The following FBXL7 variants were observed in gnomAD, a reference collection of about 807,000 sequenced individuals.
FBXL7 encodes the protein F-box/LRR-repeat protein 7.
Under a neutral mutation model 38.3 loss-of-function variants are expected in FBXL7, and 12 were observed. The observed-to-expected ratio is 0.31, with a 90% confidence interval of 0.20 to 0.51. The LOEUF (loss-of-function observed/expected upper bound fraction) is 0.51, where lower values mean the gene tolerates loss of function less well. Among genes scored for constraint, FBXL7 ranks in the 20% least tolerant of loss-of-function variants. FBXL7 has a pLI of 0.98. For synonymous variants in FBXL7, 297 were observed against 300.9 expected, an observed-to-expected ratio of 0.99 and a Z score of 0.13; for missense variants, 567 against 676.4, an observed-to-expected ratio of 0.84 and a Z score of 1.79.
chr5:15,623,120 T>G (rs1740707125), intron 2 of FBXL7, among the ~76,000 whole-genome samples: 1 of 152,250 alleles, frequency 6.6e-6, no homozygotes, highest in Non-Finnish European at 1.5e-5. Flanking sequence ...TTTTGCTGCC[T>G]GATTTCTAGC....
chr5:15,915,927 T>C (rs1213856904), intron 2 of FBXL7, among the ~76,000 whole-genome samples: 1 of 152,106 alleles, frequency 6.6e-6, no homozygotes, highest in Non-Finnish European at 1.5e-5. Context: ...AGTGAGGGAC[T>C]TGGGGACTGA....
At chr5:15,600,093 C>A (rs1739746040) in intron 1 of FBXL7, among the ~76,000 whole-genome samples, 1 of 152,114 alleles carries the variant, frequency 6.6e-6, no homozygotes, top group Non-Finnish European at 1.5e-5. Context: ...GACGCATGTT[C>A]AAAAAATGGC....
chr5:15,933,535 A>G (rs543172006), intron 3 of FBXL7, among the ~76,000 whole-genome samples: 12 of 152,326 alleles, frequency 7.9e-5, no homozygotes, highest in Middle Eastern at 3.4e-3. Flanking sequence ...GAAACTCAAA[A>G]CAAAGGGAAA....
intron 2 of FBXL7, among the ~76,000 whole-genome samples, chr5:15,768,997 A>G (rs2126708363): frequency 6.6e-6 from 1 of 152,330 alleles, no homozygotes; most frequent in South Asian, 2.1e-4. Flanking sequence ...GATCCAAAAT[A>G]TTGGCATGAT....
chr5:15,850,077 T>C (rs925052603), intron 2 of FBXL7, among the ~76,000 whole-genome samples: 5 of 152,206 alleles, frequency 3.3e-5, no homozygotes, highest in Non-Finnish European at 5.9e-5. Flanking sequence ...AGAGCTTAGA[T>C]TGATATCTTA....
At chr5:15,552,244 T>C (rs1193080406) in intron 1 of FBXL7, among the ~76,000 whole-genome samples, 1 of 152,250 alleles carries the variant, frequency 6.6e-6, no homozygotes, top group Non-Finnish European at 1.5e-5. Flanking sequence ...CTTCCTGTCC[T>C]GGTAGAAATA....
At chr5:15,702,134 A>G (rs1024786098) in intron 2 of FBXL7, among the ~76,000 whole-genome samples, 5 of 151,840 alleles carry the variant, frequency 3.3e-5, no homozygotes, top group African/African-American at 4.8e-5. Context: ...GCTACTTGGG[A>G]GACTGGGGCA....
chr5:15,617,841 T>G (rs1404625899), intron 2 of FBXL7, among the ~76,000 whole-genome samples: 1 of 152,222 alleles, frequency 6.6e-6, no homozygotes, highest in Admixed American at 6.5e-5. Flanking sequence ...TTTGCCAGAT[T>G]ATCTATGTTT....
chr5:15,633,014 A>G (rs577952298), intron 2 of FBXL7, among the ~76,000 whole-genome samples: 1 of 152,354 alleles, frequency 6.6e-6, no homozygotes, highest in East Asian at 1.9e-4. Context: ...TTGAAATTGT[A>G]AAAAGAAAAA....
At chr5:15,828,001 A>G (rs1267098947) in intron 2 of FBXL7, among the ~76,000 whole-genome samples, 1 of 152,212 alleles carries the variant, frequency 6.6e-6, no homozygotes, top group Non-Finnish European at 1.5e-5. Flanking sequence ...TTTTCTGTGG[A>G]AAACCTTGGC....
chr5:15,932,293 G>T (rs968560505), intron 3 of FBXL7, among the ~76,000 whole-genome samples: 1 of 152,102 alleles, frequency 6.6e-6, no homozygotes, highest in African/African-American at 2.4e-5. Flanking sequence ...TCAATAAATC[G>T]CAGCTGTCAT....
At chr5:15,525,782 A>G (rs1737235534) in intron 1 of FBXL7, among the ~76,000 whole-genome samples, 1 of 152,208 alleles carries the variant, frequency 6.6e-6, no homozygotes, top group Non-Finnish European at 1.5e-5. Context: ...AGCTTTGTCA[A>G]TATGGATCCC....
intron 3 of FBXL7, chr5:15,935,285 C>A (rs1239735448): frequency 1.9e-6 from 1 of 530,060 alleles, no homozygotes; most frequent in African/African-American, 2.0e-5. Flanking sequence ...TTCCGTTTTC[C>A]AAGACACCTC....
At chr5:15,538,335 C>G (rs1737645368) in intron 1 of FBXL7, among the ~76,000 whole-genome samples, 1 of 152,166 alleles carries the variant, frequency 6.6e-6, no homozygotes, top group South Asian at 2.1e-4. Flanking sequence ...AATAAGTTAA[C>G]TGATACGATA....
chr5:15,564,086 T>C (rs10079843), intron 1 of FBXL7, among the ~76,000 whole-genome samples: 2,202 of 152,208 alleles, frequency 0.014, 48 homozygotes, highest in African/African-American at 0.049. Context: ...CTGCAGTCCT[T>C]TCTGGTATAT....
At chr5:15,883,462 C>G (rs1740544351) in intron 2 of FBXL7, among the ~76,000 whole-genome samples, 1 of 152,142 alleles carries the variant, frequency 6.6e-6, no homozygotes. Context: ...ATGTTGGTTT[C>G]TCATCACAAG....
chr5:15,715,290 A>T (rs937316446), intron 2 of FBXL7, among the ~76,000 whole-genome samples: 2 of 152,084 alleles, frequency 1.3e-5, no homozygotes, highest in Non-Finnish European at 2.9e-5. Flanking sequence ...CAGGAGATCA[A>T]GACCATTCTG....
chr5:15,892,157 C>T (rs180708294), intron 2 of FBXL7, among the ~76,000 whole-genome samples: 74 of 152,320 alleles, frequency 4.9e-4, no homozygotes, highest in African/African-American at 1.7e-3. Context: ...GGGGAACAAA[C>T]GGAGTGAGCC....
At chr5:15,800,919 A>G (rs550510243) in intron 2 of FBXL7, among the ~76,000 whole-genome samples, 1 of 152,328 alleles carries the variant, frequency 6.6e-6, no homozygotes, top group Admixed American at 6.5e-5. Flanking sequence ...AACAGAAACA[A>G]TACAGTTCTG....
Sources: allele counts gnomAD v4.1 joint callset (sites outside exome capture counted in the v4.1 genomes callset), GRCh38; gene constraint gnomAD v4.1.1; transcripts MANE v1.5; gene names NCBI Gene and HGNC (gene_info 2026-07-23, HGNC 2026-07-21).